TYR: variants seen among roughly 807,000 people sequenced by gnomAD.
TYR encodes the protein tyrosinase.
In TYR, 58 loss-of-function variants were observed where a neutral mutation model predicts 51.5. That is an observed-to-expected ratio of 1.13 (90% confidence interval 0.91 to 1.40). The LOEUF is 1.40. TYR is among the 40% of genes most tolerant of loss of function. The pLI, the probability that TYR is intolerant of heterozygous loss-of-function variation, is 0.00. For missense variants in TYR, 732 were observed against 647.4 expected (o/e 1.13, Z -1.42); for synonymous variants, 263 against 235.2 (o/e 1.12, Z -1.08).
chr11:89,293,574 CA>C (rs1229456403), intron 4 of TYR, among the ~76,000 whole-genome samples: 1 of 151,630 alleles, frequency 6.6e-6, no homozygotes, highest in Non-Finnish European at 1.5e-5. Flanking sequence ...TTCAAAGTAA[CA>C]AGTGGTATTG....
At chr11:89,230,607 G>A (rs74763974) in intron 3 of TYR, among the ~76,000 whole-genome samples, 3,837 of 152,026 alleles carry the variant, frequency 0.025, 182 homozygotes, top group African/African-American at 0.089. Context: ...TACACAATAG[G>A]AGAATATATT....
chr11:89,206,811 A>C (rs1943678093), intron 2 of TYR, among the ~76,000 whole-genome samples: 1 of 152,162 alleles, frequency 6.6e-6, no homozygotes, highest in Non-Finnish European at 1.5e-5. Flanking sequence ...ATCAAACTAG[A>C]AATCAATAAC....
chr11:89,180,370 C>A (rs1173229347), intron 1 of TYR, among the ~76,000 whole-genome samples: 1 of 152,150 alleles, frequency 6.6e-6, no homozygotes, highest in African/African-American at 2.4e-5. Context: ...CCAAAATAAG[C>A]TGCAACATCC....
At chr11:89,236,024 G>A (rs1238947046) in intron 3 of TYR, among the ~76,000 whole-genome samples, 1 of 151,896 alleles carries the variant, frequency 6.6e-6, no homozygotes, top group Non-Finnish European at 1.5e-5. Context: ...TTTCCCACTT[G>A]TTTTTATAAA....
intron 3 of TYR, among the ~76,000 whole-genome samples, chr11:89,231,448 A>T (rs569276704): frequency 7.0e-6 from 1 of 142,930 alleles, no homozygotes; most frequent in South Asian, 2.3e-4. Context: ...ACACAATGGA[A>T]CACTATTCTG....
intron 3 of TYR, among the ~76,000 whole-genome samples, chr11:89,234,046 G>C (rs1270206407): frequency 7.0e-6 from 1 of 143,364 alleles, no homozygotes; most frequent in Non-Finnish European, 1.5e-5. Context: ...CTAATAGAAG[G>C]CTGTTTTATC....
rs145841599 is a variant in TYR at position 89,285,113 on chromosome 11, G to A, written c.1366+159G>A. 7.6e-3 allele frequency among the ~76,000 whole-genome samples: 1,158 copies of A among 151,714 alleles called. 7 individuals carry two copies. Among genetic ancestry groups the A allele is most frequent in the African/African-American group, 0.026 (1,059 of 41,430 alleles). On this transcript the variant is annotated intron_variant, in intron 4 of 4. Coordinates refer to ENST00000263321, the MANE Select transcript of TYR (RefSeq NM_000372.5). ...ATTTATTACCAGTTTATTATCACAG[G>A]AATCAAATTCTGAGGATCTTTAAAG... is the stretch of plus-strand genomic sequence containing the variant.
At chr11:89,268,595 A>G (rs1262646183) in intron 3 of TYR, among the ~76,000 whole-genome samples, 1 of 151,982 alleles carries the variant, frequency 6.6e-6, no homozygotes, top group African/African-American at 2.4e-5. Flanking sequence ...AAACAGAAGT[A>G]TTACATTTTG....
chr11:89,253,570 A>G (rs1327507532), intron 3 of TYR, among the ~76,000 whole-genome samples: 1 of 151,512 alleles, frequency 6.6e-6, no homozygotes, highest in Non-Finnish European at 1.5e-5. Flanking sequence ...AATTTATTTT[A>G]TTTTATTTTT....
intron 3 of TYR, among the ~76,000 whole-genome samples, chr11:89,265,245 A>G (rs550578987): frequency 2.0e-5 from 3 of 152,186 alleles, no homozygotes; most frequent in Non-Finnish European, 4.4e-5. Context: ...CCAAGGATAT[A>G]TAAGTGGGTA....
intron 3 of TYR, among the ~76,000 whole-genome samples, chr11:89,264,901 T>A (rs2135309956): frequency 6.6e-6 from 1 of 152,194 alleles, no homozygotes; most frequent in Non-Finnish European, 1.5e-5. Context: ...TAAGTGCCAT[T>A]TCTCTTTCAC....
intron 2 of TYR, among the ~76,000 whole-genome samples, chr11:89,203,662 T>A (rs1026725440): frequency 6.6e-6 from 1 of 152,152 alleles, no homozygotes; most frequent in Non-Finnish European, 1.5e-5. Flanking sequence ...CACGGTATGA[T>A]GGTGAGTCCC....
intron 1 of TYR, among the ~76,000 whole-genome samples, chr11:89,179,438 C>T (rs545389812): frequency 4.6e-5 from 7 of 152,148 alleles, no homozygotes; most frequent in South Asian, 2.1e-4. Flanking sequence ...GTGCAAACCC[C>T]GTGGCAAGTG....
intron 2 of TYR, among the ~76,000 whole-genome samples, chr11:89,211,779 C>G (rs1472486527): frequency 6.6e-6 from 1 of 152,118 alleles, no homozygotes; most frequent in African/African-American, 2.4e-5. Context: ...AGTTAGAACT[C>G]AGGATTAAGA....
chr11:89,219,665 T>A lies in TYR; in HGVS notation c.1037-8158T>A, dbSNP rs1490525290. ...AAATTCTTACAATCTAGTAAAAAAATTAAATTTGATAAGAACAAAAATTGG... is the reference window on the plus strand; with the variant it reads ...AAATTCTTACAATCTAGTAAAAAAAATAAATTTGATAAGAACAAAAATTGG... On this transcript the variant is annotated intron_variant, in intron 2 of 4. Coordinates refer to ENST00000263321, the MANE Select transcript of TYR (RefSeq NM_000372.5). Among the ~76,000 whole-genome samples the A allele has an allele frequency of 3.3e-5, 5 of 152,060 alleles. No individual in the cohort carries two copies. The East Asian group carries it at 9.6e-4, about 29-fold the overall frequency.
chr11:89,221,956 G>C (rs1407898704), intron 2 of TYR, among the ~76,000 whole-genome samples: 2 of 152,210 alleles, frequency 1.3e-5, no homozygotes, highest in Non-Finnish European at 2.9e-5. Context: ...TCAAAGGAAA[G>C]ATACGGAATT....
At chr11:89,275,514 A>G (rs111773471) in intron 3 of TYR, among the ~76,000 whole-genome samples, 1,686 of 151,964 alleles carry the variant, frequency 0.011, 35 homozygotes, top group African/African-American at 0.039. Context: ...AAATTCTTTG[A>G]CTCAATTTTT....
At chr11:89,245,361 G>T (rs746082624) in intron 3 of TYR, among the ~76,000 whole-genome samples, 1 of 152,154 alleles carries the variant, frequency 6.6e-6, no homozygotes, top group African/African-American at 2.4e-5. Flanking sequence ...CTGAAATTCC[G>T]AGAGGTTAAG....
intron 2 of TYR, among the ~76,000 whole-genome samples, chr11:89,202,164 C>T (rs1943605727): frequency 6.6e-6 from 1 of 151,966 alleles, no homozygotes; most frequent in Admixed American, 6.6e-5. Flanking sequence ...ACCTTATTAT[C>T]AATACAAAGA....
Sources: allele counts gnomAD v4.1 joint callset (sites outside exome capture counted in the v4.1 genomes callset), GRCh38; gene constraint gnomAD v4.1.1; transcripts MANE v1.5; gene names NCBI Gene and HGNC (gene_info 2026-07-23, HGNC 2026-07-21).